The following MAGI1 variants were observed in gnomAD, a reference collection of about 807,000 sequenced individuals.
MAGI1 encodes membrane associated guanylate kinase, WW and PDZ domain containing 1.
MAGI1 carries 58 observed loss-of-function variants against 139.9 expected under a neutral mutation model. The ratio of observed to expected loss-of-function variants is 0.41; its 90% CI spans 0.34 to 0.52. MAGI1 has a LOEUF of 0.52. Ranked by LOEUF, MAGI1 falls within the 20% of genes least tolerant of loss-of-function variation. The probability of loss-of-function intolerance (pLI) is 0.12; values close to 1 mark genes in which losing one functional copy is unlikely to be tolerated. For synonymous variants in MAGI1, 812 were observed against 737.9 expected, an observed-to-expected ratio of 1.10 and a Z score of -1.63; for missense variants, 1,874 against 1,901.6, an observed-to-expected ratio of 0.99 and a Z score of 0.27.
chr3:65,528,867 G>A (rs752794197), intron 2 of MAGI1, among the ~76,000 whole-genome samples: 2 of 152,132 alleles, frequency 1.3e-5, no homozygotes, highest in African/African-American at 2.4e-5. Context: ...ACAATAGAGT[G>A]AGAACTTGTC....
At chr3:65,879,705 G>A (rs1205388789) in intron 1 of MAGI1, among the ~76,000 whole-genome samples, 1 of 152,050 alleles carries the variant, frequency 6.6e-6, no homozygotes, top group Non-Finnish European at 1.5e-5. Flanking sequence ...TACAATACCT[G>A]GTACATAGAA....
chr3:65,983,592 T>G (rs754233105), intron 1 of MAGI1, among the ~76,000 whole-genome samples: 1 of 152,218 alleles, frequency 6.6e-6, no homozygotes, highest in African/African-American at 2.4e-5. Flanking sequence ...TTAAAATTTT[T>G]TAAAAATGAA....
intron 2 of MAGI1, among the ~76,000 whole-genome samples, chr3:65,610,775 T>C (rs2083022769): frequency 1.3e-5 from 1 of 77,010 alleles, no homozygotes; most frequent in Admixed American, 1.2e-4. Context: ...CATATATATA[T>C]ACTGTATATA....
intron 1 of MAGI1, among the ~76,000 whole-genome samples, chr3:65,711,474 C>CA (rs139865755): frequency 2.0e-3 from 306 of 151,736 alleles, no homozygotes; most frequent in African/African-American, 6.8e-3. Flanking sequence ...TACCTACAGA[C>CA]AAAAAAAACA....
chr3:65,793,354 G>C (rs1021186132), intron 1 of MAGI1, among the ~76,000 whole-genome samples: 1 of 152,190 alleles, frequency 6.6e-6, no homozygotes, highest in Non-Finnish European at 1.5e-5. Flanking sequence ...ATGATAGCTA[G>C]TGAGATGAAC....
At chr3:65,491,263 T>C (rs1375974014) in intron 3 of MAGI1, among the ~76,000 whole-genome samples, 1 of 152,212 alleles carries the variant, frequency 6.6e-6, no homozygotes, top group Non-Finnish European at 1.5e-5. Flanking sequence ...TTAATACCAC[T>C]TGGCTTCAGT....
chr3:65,427,750 G>T (rs575488120), intron 12 of MAGI1, among the ~76,000 whole-genome samples: 3 of 152,194 alleles, frequency 2.0e-5, no homozygotes, highest in Non-Finnish European at 4.4e-5. Context: ...TCACAGGGAA[G>T]TGACAAATAT....
chr3:65,889,064 C>A (rs115505870), intron 1 of MAGI1, among the ~76,000 whole-genome samples: 2 of 152,060 alleles, frequency 1.3e-5, no homozygotes, highest in African/African-American at 2.4e-5. Flanking sequence ...AGATTCATAG[C>A]AGTTTTCCAA....
intron 1 of MAGI1, among the ~76,000 whole-genome samples, chr3:65,689,659 A>T (rs1182210703): frequency 1.3e-5 from 2 of 152,182 alleles, no homozygotes; most frequent in Non-Finnish European, 2.9e-5. Context: ...ATTCAAAGTC[A>T]TCTTGGAATC....
chr3:65,567,940 G>C (rs1233700397), intron 2 of MAGI1, among the ~76,000 whole-genome samples: 1 of 152,186 alleles, frequency 6.6e-6, no homozygotes, highest in African/African-American at 2.4e-5. Context: ...AATTTAGGCT[G>C]AACATGACTC....
At chr3:65,583,752 A>G (rs1003452300) in intron 2 of MAGI1, among the ~76,000 whole-genome samples, 4 of 152,196 alleles carry the variant, frequency 2.6e-5, no homozygotes, top group African/African-American at 9.6e-5. Context: ...TTAAGGACTC[A>G]AAGGAATGAT....
At chr3:65,457,565 TA>T (rs1477457326) in intron 5 of MAGI1, among the ~76,000 whole-genome samples, 1 of 152,214 alleles carries the variant, frequency 6.6e-6, no homozygotes, top group Admixed American at 6.5e-5. Context: ...ACACCTGTAT[TA>T]TTTTTTTGAG....
chr3:65,409,903 A>G (rs1160932331), intron 12 of MAGI1, among the ~76,000 whole-genome samples: 1 of 152,258 alleles, frequency 6.6e-6, no homozygotes, highest in African/African-American at 2.4e-5. Flanking sequence ...GATTAAGAAC[A>G]TAGTTGTACT....
At chr3:65,516,873 G>A (rs1181747907) in intron 2 of MAGI1, among the ~76,000 whole-genome samples, 6 of 138,462 alleles carry the variant, frequency 4.3e-5, no homozygotes, top group African/African-American at 1.3e-4. Context: ...GACTACAGGC[G>A]CCCGCCACTA....
intron 1 of MAGI1, among the ~76,000 whole-genome samples, chr3:65,721,229 A>G (rs1488155119): frequency 6.6e-6 from 1 of 152,108 alleles, no homozygotes; most frequent in African/African-American, 2.4e-5. Flanking sequence ...TAACACACAC[A>G]CATACATATT....
chr3:65,850,878 G>T (rs897811664), intron 1 of MAGI1, among the ~76,000 whole-genome samples: 1 of 152,094 alleles, frequency 6.6e-6, no homozygotes, highest in African/African-American at 2.4e-5. Context: ...AGGCCGAGGC[G>T]GGCGGATCAC....
At position 65,832,367 on chromosome 3, in the gene MAGI1, A is replaced by G. The variant is rs569937301; in HGVS notation, c.313+205629T>C. Reference sequence around the variant, plus strand: ...CAATAAAGACTTCCAGTGTGGTTTTAGCACATGTAATGAAACTGAACACAC... The same window carrying G: ...CAATAAAGACTTCCAGTGTGGTTTTGGCACATGTAATGAAACTGAACACAC... On this transcript the variant is annotated intron_variant, in intron 1 of 22. Transcript: ENST00000402939. Among the ~76,000 whole-genome samples the G allele has an allele frequency of 7.6e-4, 116 of 152,344 alleles. 1 individual carries two copies. The South Asian group carries it at 0.023, about 31-fold the overall frequency.
intron 2 of MAGI1, among the ~76,000 whole-genome samples, chr3:65,594,222 A>G (rs2082088167): frequency 6.6e-6 from 1 of 152,216 alleles, no homozygotes; most frequent in Non-Finnish European, 1.5e-5. Flanking sequence ...GATTCTTGAA[A>G]AGCAAGTGGA....
chr3:65,483,176 G>A (rs537049731), intron 3 of MAGI1, among the ~76,000 whole-genome samples: 17 of 152,340 alleles, frequency 1.1e-4, no homozygotes, highest in Admixed American at 2.6e-4. Flanking sequence ...TTTCGGCCCT[G>A]GGCTTTTGGA....
Sources: gnomAD v4.1 joint callset for allele counts (sites outside exome capture counted in the v4.1 genomes callset) on GRCh38, gnomAD v4.1.1 for gene constraint, MANE v1.5 for transcripts, NCBI Gene and HGNC (gene_info 2026-07-23, HGNC 2026-07-21) for gene names.